CERT1: variants seen among roughly 807,000 people sequenced by gnomAD.
CERT1 encodes the protein ceramide transfer protein.
Under a neutral mutation model 87.9 loss-of-function variants are expected in CERT1, and 31 were observed. The observed-to-expected ratio is 0.35, with a 90% CI of 0.27 to 0.48. The LOEUF is 0.48. CERT1 is among the 20% of genes least tolerant of loss of function. CERT1 has a pLI of 0.99. For synonymous variants in CERT1, 289 were observed against 250.9 expected, an observed-to-expected ratio of 1.15 and a Z score of -1.44; for missense variants, 487 against 758.0, an observed-to-expected ratio of 0.64 and a Z score of 4.20.
chr5:75,443,055 TG>T (rs1366606376), intron 3 of CERT1, among the ~76,000 whole-genome samples: 1 of 152,182 alleles, frequency 6.6e-6, no homozygotes, highest in Non-Finnish European at 1.5e-5. Flanking sequence ...AAGGTAGGAC[TG>T]CTATAACATC....
chr5:75,430,899 G>C (rs1763834834), intron 3 of CERT1, among the ~76,000 whole-genome samples: 1 of 152,042 alleles, frequency 6.6e-6, no homozygotes, highest in Non-Finnish European at 1.5e-5. Flanking sequence ...AAGTTAGTGG[G>C]GCATTGTGGT....
At chr5:75,400,010 T>C (rs1228929898) in intron 10 of CERT1, among the ~76,000 whole-genome samples, 195 bp downstream of exon 10, 1 of 152,132 alleles carries the variant, frequency 6.6e-6, no homozygotes, top group Non-Finnish European at 1.5e-5. Flanking sequence ...TACATGCCTG[T>C]AATCCCAGCT....
intron 5 of CERT1, among the ~76,000 whole-genome samples, chr5:75,421,185 T>C (rs549581081): frequency 4.6e-5 from 7 of 152,372 alleles, no homozygotes; most frequent in African/African-American, 1.7e-4. Flanking sequence ...TCTTACTTAC[T>C]GCATGTATCT....
At chr5:75,376,717 A>C (rs1432603495), downstream of CERT1, 2 of 152,242 alleles carry the variant, frequency 1.3e-5, no homozygotes, top group East Asian at 3.8e-4. Context: ...CCAATCATTC[A>C]GGTAACTAAG....
intron 9 of CERT1, 82 bp downstream of exon 9, chr5:75,402,890 A>G (rs1322202764): frequency 7.5e-6 from 6 of 797,968 alleles, no homozygotes; most frequent in Non-Finnish European, 1.3e-5. Flanking sequence ...TTCAAATTCT[A>G]TTTACATGAA....
intron 2 of CERT1, among the ~76,000 whole-genome samples, chr5:75,494,221 T>A (rs896150879): frequency 2.0e-5 from 3 of 152,232 alleles, no homozygotes; most frequent in Non-Finnish European, 4.4e-5. Context: ...TTACCAAAAA[T>A]GGGCTTCACC....
At chr5:75,458,482 C>T (rs1378183007) in intron 3 of CERT1, among the ~76,000 whole-genome samples, 1 of 151,820 alleles carries the variant, frequency 6.6e-6, no homozygotes, top group Non-Finnish European at 1.5e-5. Context: ...TGAAGCAAAA[C>T]CTAAATAAAA....
At chr5:75,469,746 T>C (rs1403248138) in intron 2 of CERT1, among the ~76,000 whole-genome samples, 2 of 152,116 alleles carry the variant, frequency 1.3e-5, no homozygotes, top group Non-Finnish European at 2.9e-5. Context: ...ATGCCTTAAA[T>C]ATAAATGGAT....
At chr5:75,371,268 T>C (rs1761076461) in intron 17 of CERT1, 1 of 152,256 alleles carries the variant, frequency 6.6e-6, no homozygotes, top group South Asian at 2.1e-4. Flanking sequence ...AAAATGATTA[T>C]GTTTTGAGTC....
At chr5:75,499,217 G>A (rs992154143) in intron 2 of CERT1, among the ~76,000 whole-genome samples, 2 of 152,144 alleles carry the variant, frequency 1.3e-5, no homozygotes, top group South Asian at 4.1e-4. Context: ...TGGACTTTTG[G>A]GTTAATACTG....
chr5:75,448,052 C>T (rs993297994), intron 3 of CERT1, among the ~76,000 whole-genome samples: 1 of 152,154 alleles, frequency 6.6e-6, no homozygotes, highest in African/African-American at 2.4e-5. Flanking sequence ...GACTTGTAAA[C>T]ATTGTTAGAG....
At chr5:75,495,594 C>T (rs910467277) in intron 2 of CERT1, among the ~76,000 whole-genome samples, 5 of 152,082 alleles carry the variant, frequency 3.3e-5, no homozygotes, top group African/African-American at 7.2e-5. Flanking sequence ...CAAGCCTACA[C>T]AGCACTCACT....
chr5:75,477,919 A>G (rs986678273), intron 2 of CERT1, among the ~76,000 whole-genome samples: 2 of 152,206 alleles, frequency 1.3e-5, no homozygotes, highest in Admixed American at 1.3e-4. Context: ...AAAATACATA[A>G]GACCTGTGGG....
chr5:75,382,708 C>T (rs1043582219), intron 14 of CERT1, among the ~76,000 whole-genome samples: 3 of 151,256 alleles, frequency 2.0e-5, no homozygotes, highest in Non-Finnish European at 4.4e-5. Flanking sequence ...TTGGTTATCT[C>T]GTATATGTAT....
intron 3 of CERT1, among the ~76,000 whole-genome samples, chr5:75,455,839 A>G (rs1764959738): frequency 6.6e-6 from 1 of 152,216 alleles, no homozygotes; most frequent in Non-Finnish European, 1.5e-5. Flanking sequence ...AAAAGACAGT[A>G]CAGTCTCAGG....
At chr5:75,443,163 C>G (rs899142535) in intron 3 of CERT1, among the ~76,000 whole-genome samples, 8 of 152,096 alleles carry the variant, frequency 5.3e-5, no homozygotes, top group South Asian at 2.1e-4. Flanking sequence ...TTTAAATAAT[C>G]AAGTTTTAGT....
chr5:75,453,130 T>G (rs1265438917), intron 3 of CERT1, among the ~76,000 whole-genome samples: 1 of 152,200 alleles, frequency 6.6e-6, no homozygotes, highest in Non-Finnish European at 1.5e-5. Flanking sequence ...TTTCTTGTAG[T>G]GAGCAACCAT....
chr5:75,482,596 C>T (rs1766303259), intron 2 of CERT1, among the ~76,000 whole-genome samples: 1 of 152,310 alleles, frequency 6.6e-6, no homozygotes, highest in East Asian at 1.9e-4. Context: ...GCTGTGGTGG[C>T]TGTGGGTCTG....
At chr5:75,511,667 C>T (rs1768014704), upstream of CERT1, 25 of 1,520,508 alleles carry the variant, frequency 1.6e-5, no homozygotes, top group Non-Finnish European at 2.2e-5. Flanking sequence ...CCCCTTCGTC[C>T]TCCCATTCTC....
Sources: gnomAD v4.1 joint callset for allele counts (sites outside exome capture counted in the v4.1 genomes callset) on GRCh38, gnomAD v4.1.1 for gene constraint, MANE v1.5 for transcripts, NCBI Gene and HGNC (gene_info 2026-07-23, HGNC 2026-07-21) for gene names.